The following CYP51A1 variants were observed in gnomAD, a reference collection of about 807,000 sequenced individuals.
CYP51A1 encodes the protein lanosterol 14-alpha demethylase.
Under a neutral mutation model 53.5 loss-of-function variants are expected in CYP51A1, and 45 were observed. That is an observed-to-expected ratio of 0.84 (90% CI 0.66 to 1.08). CYP51A1 has a LOEUF of 1.08. Among genes scored for constraint, CYP51A1 ranks in the 50% least tolerant of loss-of-function variants. The probability of loss-of-function intolerance (pLI) is 0.00; values close to 1 mark genes in which losing one functional copy is unlikely to be tolerated. For missense variants in CYP51A1, 462 were observed against 621.7 expected, an observed-to-expected ratio of 0.74 and a Z score of 2.73; for synonymous variants, 181 against 217.7, an observed-to-expected ratio of 0.83 and a Z score of 1.48.
At chr7:92,124,389 T>C (rs1427597689) in intron 5 of CYP51A1, among the ~76,000 whole-genome samples, 1 of 152,230 alleles carries the variant, frequency 6.6e-6, no homozygotes, top group African/African-American at 2.4e-5. Flanking sequence ...ATGTTCACTA[T>C]GTAGCAGGTA....
At chr7:92,132,404 A>T (rs188064251) in intron 1 of CYP51A1, among the ~76,000 whole-genome samples, 2 of 152,218 alleles carry the variant, frequency 1.3e-5, no homozygotes, top group Non-Finnish European at 2.9e-5. Context: ...AATACAATGT[A>T]AAGGCTATAT....
chr7:92,115,995 G>A (rs1178138620), intron 9 of CYP51A1, among the ~76,000 whole-genome samples: 2 of 152,220 alleles, frequency 1.3e-5, no homozygotes, highest in Non-Finnish European at 2.9e-5. Flanking sequence ...TCTTTGGCCA[G>A]GTGGCATGGC....
Position 92,112,214 on chromosome 7 carries a change from T to C in CYP51A1, c.*1451A>G, listed in dbSNP as rs1819372410. On this transcript the variant is annotated 3_prime_UTR_variant, in exon 10 of 10. Transcript: ENST00000003100. ...GAGATTCTGCCTTCACAATTAGAGT[T>C]TAACATGAGTCTTCCAGTGTTTTAA... The C allele has an allele frequency of 6.6e-6, 1 of 152,218 alleles. No homozygotes were observed. The highest frequency in any genetic ancestry group is 6.5e-5 in the Admixed American group (1 of 15,278). 9.4% of individuals were successfully genotyped at this position (152,218 alleles called of 1,614,324 possible).
chr7:92,122,182 G>A (rs893567242), intron 7 of CYP51A1, among the ~76,000 whole-genome samples: 1 of 151,272 alleles, frequency 6.6e-6, no homozygotes, highest in Non-Finnish European at 1.5e-5. Context: ...GAATAAACCT[G>A]TAACAAATAA....
chr7:92,133,862 C>T (rs1819977246), intron 1 of CYP51A1, among the ~76,000 whole-genome samples: 1 of 152,188 alleles, frequency 6.6e-6, no homozygotes, highest in Non-Finnish European at 1.5e-5. Context: ...CAGTACAGAC[C>T]GCTACAACCA....
chr7:92,118,445 C>A, intron 8 of CYP51A1, 75 bp downstream of exon 8: 1 of 854,058 alleles, frequency 1.2e-6, no homozygotes, highest in East Asian at 2.4e-5. Flanking sequence ...CAGGTGTGAA[C>A]CACCACACCC....
intron 7 of CYP51A1, among the ~76,000 whole-genome samples, chr7:92,120,913 A>T (rs1455395664): frequency 6.6e-6 from 1 of 152,182 alleles, no homozygotes; most frequent in Non-Finnish European, 1.5e-5. Context: ...GTGAGCAGAC[A>T]TTTCTCCAAA....
Position 92,125,854 on chromosome 7 carries a change from G to A in CYP51A1, c.770+399C>T, listed in dbSNP as rs150597968. On this transcript the variant is annotated intron_variant, in intron 5 of 9. Coordinates refer to ENST00000003100, the MANE Select transcript of CYP51A1 (RefSeq NM_000786.4). ...CTACTAAAAATAGAAAAATTAGTTG[G>A]GCATGGTGGCACGTGCCTGTAGTCC... Among the ~76,000 whole-genome samples the A allele has an allele frequency of 1.3e-3, 191 of 152,172 alleles. 1 individual carries two copies. The South Asian group carries it at 0.031, about 25-fold the overall frequency.
chr7:92,128,198 C>G (rs563777004), intron 3 of CYP51A1, among the ~76,000 whole-genome samples: 1 of 152,292 alleles, frequency 6.6e-6, no homozygotes, highest in African/African-American at 2.4e-5. Context: ...GATGAAGTAA[C>G]AGCATTGTCT....
Position 92,126,386 on chromosome 7 carries a change from T to C in CYP51A1, c.637A>G (p.Ser213Gly). 6.2e-7 allele frequency: 1 copy of C among 1,613,864 alleles called. No individual in the cohort carries two copies. Among genetic ancestry groups the C allele is most frequent in the Non-Finnish European group, 8.5e-7 (1 of 1,179,870 alleles). Residue 213 changes from serine (S) to glycine (G), a missense_variant, in exon 5 of 10, where the codon AGC (serine) becomes GGC (glycine). Transcript: ENST00000003100. ...ALSELIILTA[S>G]HCLHGKEIRS... The stretch of plus-strand genomic sequence containing the variant: ...ATTTCCTTTCCATGCAAACAATGGC[T>C]AGCTGTTAAAATTATGAGCTCAGAA...
At chr7:92,128,780 T>G in intron 3 of CYP51A1, 100 bp downstream of exon 3, 1 of 1,092,072 alleles carries the variant, frequency 9.2e-7, no homozygotes, top group Non-Finnish European at 1.3e-6. Flanking sequence ...TGAGCCACCA[T>G]GCCTGGCTGT....
At position 92,134,436 on chromosome 7, in the gene CYP51A1, C is replaced by A; in HGVS notation, c.-72G>T. ...CAATCGACGGAACGAGAGAAGCTGG[C>A]AGATGGTCGTCCACAGGGGGCCTTG... On this transcript the variant is annotated 5_prime_UTR_variant, in exon 1 of 10. Coordinates refer to ENST00000003100, the MANE Select transcript of CYP51A1 (RefSeq NM_000786.4). 2 of 1,447,652 alleles carry A rather than the reference C, an allele frequency of 1.4e-6. No homozygotes were observed. Among genetic ancestry groups the A allele is most frequent in the Non-Finnish European group, 9.2e-7 (1 of 1,084,254 alleles). 89.7% of individuals were successfully genotyped at this position (1,447,652 alleles called of 1,614,324 possible).
rs770001844 is a variant in CYP51A1 at position 92,127,365 on chromosome 7, A to G, written c.595+140T>C. On this transcript the variant is annotated intron_variant, in intron 4 of 9. Coordinates refer to ENST00000003100, the MANE Select transcript of CYP51A1 (RefSeq NM_000786.4). ...TCTCAGTTACAACTTCATGGTAATC[A>G]TTACATAACCCTCCCATAAATCTAA... The G allele has an allele frequency of 3.1e-5, 23 of 753,012 alleles. 1 individual carries two copies. The highest frequency in any genetic ancestry group is 4.8e-5 in the Non-Finnish European group (23 of 478,268). The allele number at this position is 753,012 out of a possible 1,614,324, so 46.6% of individuals were successfully genotyped here. A position where few individuals can be genotyped will look rare whatever the true frequency, so the allele number is the denominator to read the frequency against.
At chr7:92,119,124 A>T (rs966133362) in intron 7 of CYP51A1, among the ~76,000 whole-genome samples, 1 of 152,178 alleles carries the variant, frequency 6.6e-6, no homozygotes, top group Non-Finnish European at 1.5e-5. Flanking sequence ...AGCCAGAGCA[A>T]ATTTTCCAAA....
chr7:92,122,077 T>C (rs77385587), intron 7 of CYP51A1, among the ~76,000 whole-genome samples: 3,581 of 152,112 alleles, frequency 0.024, 157 homozygotes, highest in African/African-American at 0.082. Context: ...CTATGAACAA[T>C]TGTATGCCAA....
intron 8 of CYP51A1, among the ~76,000 whole-genome samples, chr7:92,118,023 C>G (rs1293404655): frequency 6.6e-6 from 1 of 151,098 alleles, no homozygotes; most frequent in Non-Finnish European, 1.5e-5. Flanking sequence ...CGTATACTAT[C>G]TACAATTAGG....
In CYP51A1 at chr7:92,120,531, T is replaced by G. The variant is rs185477184; in HGVS notation, c.1087-1916A>C. 1.6e-3 allele frequency among the ~76,000 whole-genome samples: 237 copies of G among 152,290 alleles called. 1 individual carries two copies. The highest frequency in any genetic ancestry group is 5.3e-3 in the African/African-American group (222 of 41,556). ...CCCAAGTCCTGAGCTCAAGCGACCT[T>G]CCCATCTCAGCTTCTCAGTAGCTGA... On this transcript the variant is annotated intron_variant, in intron 7 of 9. Transcript: ENST00000003100.
chr7:92,129,043 A>C lies in CYP51A1; in HGVS notation c.305T>G (p.Phe102Cys). ...ENAYEKYGPV[F>C]SFTMVGKTFT... ...TGTCTTGCCTACCATGGTAAAACTA[A>C]ATACAGGTCCATACTAAAAAGAGAA... Residue 102 changes from phenylalanine to cysteine, a missense_variant, in exon 3 of 10, where the codon TTT becomes TGT. Coordinates refer to ENST00000003100, the MANE Select transcript of CYP51A1 (RefSeq NM_000786.4). 2 of 1,612,250 alleles carry C rather than the reference A, an allele frequency of 1.2e-6. No homozygotes were observed. Among genetic ancestry groups the C allele is most frequent in the Non-Finnish European group, 1.7e-6 (2 of 1,178,866 alleles).
Position 92,127,643 on chromosome 7 carries a change from T to A in CYP51A1, c.469-12A>T. 6.2e-7 allele frequency: 1 copy of A among 1,613,314 alleles called. No individual in the cohort carries two copies. The highest frequency in any genetic ancestry group is 1.1e-5 in the South Asian group (1 of 90,984). ...TGCTCCAAGAAAACCTTCAAAAAAA[T>A]TCAAAACGGGGATACGGCATTAAAA... On this transcript the variant is annotated splice_polypyrimidine_tract_variant and intron_variant, in intron 3 of 9. Coordinates refer to ENST00000003100, the MANE Select transcript of CYP51A1 (RefSeq NM_000786.4).
Sources: gnomAD v4.1 joint callset for allele counts (sites outside exome capture counted in the v4.1 genomes callset) on GRCh38, gnomAD v4.1.1 for gene constraint, MANE v1.5 for transcripts, NCBI Gene and HGNC (gene_info 2026-07-23, HGNC 2026-07-21) for gene names.